PCDHGB2: variants seen among roughly 807,000 people sequenced by gnomAD.
PCDHGB2 encodes the protein protocadherin gamma-B2.
Under a neutral mutation model 59.3 loss-of-function variants are expected in PCDHGB2, and 55 were observed. The observed-to-expected ratio is 0.93, with a 90% confidence interval of 0.75 to 1.16. PCDHGB2 has a LOEUF of 1.16. Ranked by LOEUF, PCDHGB2 falls within the 50% of genes most tolerant of loss-of-function variation. The pLI is 0.00. For missense variants in PCDHGB2, 1,228 were observed against 1,198.5 expected, an observed-to-expected ratio of 1.02 and a Z score of -0.36; for synonymous variants, 516 against 512.0, an observed-to-expected ratio of 1.01 and a Z score of -0.11.
At chr5:141,435,430 T>C (rs576681937) in intron 1 of PCDHGB2, among the ~76,000 whole-genome samples, 115 of 152,334 alleles carry the variant, frequency 7.5e-4, no homozygotes, top group African/African-American at 2.6e-3. Flanking sequence ...ACTTCTGTTA[T>C]GCATTTCATT....
chr5:141,427,975 C>T lies in PCDHGB2; in HGVS notation c.2421+65419C>T, dbSNP rs757718263. ...AATGTGCCGCGGGTGCTGTACCCCGCGCTGGGGCCCGATGGCTCCGCACTC... is the reference window on the plus strand; with the variant it reads ...AATGTGCCGCGGGTGCTGTACCCCGTGCTGGGGCCCGATGGCTCCGCACTC... On this transcript the variant is annotated intron_variant, in intron 1 of 3. Transcript: ENST00000522605. The T allele has an allele frequency of 1.9e-6, 3 of 1,594,600 alleles. No individual in the cohort carries two copies. In the South Asian group the frequency reaches 3.3e-5, roughly 18 times the overall value.
In PCDHGB2 at chr5:141,489,180, CTGGGTCTACCT is replaced by C. The variant is rs906371381; in HGVS notation, c.2422-5623_2422-5613del. 6.3e-5 allele frequency: 79 copies of C among 1,259,748 alleles called. No individual in the cohort carries two copies. The African/African-American group carries it at 9.3e-4, about 15-fold the overall frequency. 78.0% of individuals were successfully genotyped at this position (1,259,748 alleles called of 1,614,324 possible). ...GACTTCAGCTGCTGCATTCCAAGCCCTGGGTCTACCTTGGAGACAGGACAGCACAGACTTAC... is the reference window on the plus strand; with the variant it reads ...GACTTCAGCTGCTGCATTCCAAGCCCTGGAGACAGGACAGCACAGACTTAC... On this transcript the variant is annotated intron_variant, in intron 1 of 3. Coordinates refer to ENST00000522605, the MANE Select transcript of PCDHGB2 (RefSeq NM_018923.3). This position sits in a 1 kb window ranked among gnomAD's most constrained non-coding sequence, Gnocchi z 4.5.
At chr5:141,412,385 AT>A (rs1277702119) in intron 1 of PCDHGB2, 2 of 152,236 alleles carry the variant, frequency 1.3e-5, no homozygotes, top group Admixed American at 1.3e-4. Flanking sequence ...AAATAGGTCC[AT>A]TTAACTTGTA....
rs777873138 is a variant in PCDHGB2, at chr5:141,365,973, T to C, written c.2421+3417T>C. The stretch of plus-strand genomic sequence containing the variant: ...CCTCCACTTAGCAGCAACGTGTCGC[T>C]GAGCCTGTTTGTGCTGGACCAGAAC... On this transcript the variant is annotated intron_variant, in intron 1 of 3. Coordinates refer to ENST00000522605, the MANE Select transcript of PCDHGB2 (RefSeq NM_018923.3). The C allele has an allele frequency of 4.3e-5, 70 of 1,614,126 alleles. No individual in the cohort carries two copies. In the Admixed American group the frequency reaches 1.1e-3, roughly 27 times the overall value.
intron 1 of PCDHGB2, chr5:141,383,225 T>C: frequency 6.2e-7 from 1 of 1,613,970 alleles, no homozygotes; most frequent in Non-Finnish European, 8.5e-7. Flanking sequence ...TTTAACATCC[T>C]GATGGAAGAT....
chr5:141,433,220 T>A (rs781745522), intron 1 of PCDHGB2: 2 of 1,509,720 alleles, frequency 1.3e-6, no homozygotes, highest in Non-Finnish European at 1.8e-6. Flanking sequence ...TTTTTTTTTT[T>A]AATTGCTCTG....
intron 1 of PCDHGB2, chr5:141,409,049 AG>A: frequency 6.2e-7 from 1 of 1,614,028 alleles, no homozygotes; most frequent in African/African-American, 1.3e-5. Context: ...CTACTTCCGA[AG>A]CACTGCCCAG....
intron 1 of PCDHGB2, chr5:141,409,995 CG>C: frequency 1.2e-6 from 2 of 1,613,308 alleles, no homozygotes; most frequent in Non-Finnish European, 1.7e-6. Context: ...GACGCCGACT[CG>C]GGACACAACG....
chr5:141,362,370 G>A lies in PCDHGB2; in HGVS notation c.2235G>A (p.Glu745=). Residue 745 remains glutamate, a synonymous_variant, in exon 1 of 4, where the codon GAG becomes GAA. Coordinates refer to ENST00000522605, the MANE Select transcript of PCDHGB2 (RefSeq NM_018923.3). The part of the protein sequence containing the change: ...PGPGVLPNYS[E]GTLPYSYNLC... ...CTGGGGTTCTCCCCAATTACAGTGAGGGTACATTGCCCTATTCCTACAACC... is the reference window on the plus strand; with the variant it reads ...CTGGGGTTCTCCCCAATTACAGTGAAGGTACATTGCCCTATTCCTACAACC... The A allele has an allele frequency of 6.2e-7, 1 of 1,614,042 alleles. No individual in the cohort carries two copies. The highest frequency in any genetic ancestry group is 1.1e-5 in the South Asian group (1 of 91,088).
chr5:141,407,659 T>C (rs1443799600), intron 1 of PCDHGB2, among the ~76,000 whole-genome samples: 1 of 152,136 alleles, frequency 6.6e-6, no homozygotes, highest in East Asian at 1.9e-4. Flanking sequence ...GGGAGCGCAG[T>C]ATATATTAAA....
At chr5:141,449,212 GT>G (rs1405401595) in intron 1 of PCDHGB2, among the ~76,000 whole-genome samples, 1 of 152,134 alleles carries the variant, frequency 6.6e-6, no homozygotes, top group African/African-American at 2.4e-5. Context: ...CTAACTTTCT[GT>G]TTTGAAATGA....
chr5:141,474,819 G>A (rs1180279468), intron 1 of PCDHGB2, among the ~76,000 whole-genome samples: 1 of 152,190 alleles, frequency 6.6e-6, no homozygotes, highest in Non-Finnish European at 1.5e-5. Flanking sequence ...CATTAATTGA[G>A]GCTTACTCTG....
chr5:141,508,507 TGGTCCAGCCCAACCTCAG>T (rs1377043623), intron 3 of PCDHGB2, among the ~76,000 whole-genome samples: 1 of 152,178 alleles, frequency 6.6e-6, no homozygotes, highest in Non-Finnish European at 1.5e-5. Flanking sequence ...CTCTCCCTCC[TGGTCCAGCCCAACCTCAG>T]GGCACCCCCC....
Position 141,364,666 on chromosome 5 carries a change from C to A in PCDHGB2, c.2421+2110C>A, listed in dbSNP as rs1763468271. Reference sequence around the variant, plus strand: ...TGAACTTTAACATCTTGGTTGAGAACAAAATGAAAATTTATGGAGTAGAAG... The same window carrying A: ...TGAACTTTAACATCTTGGTTGAGAAAAAAATGAAAATTTATGGAGTAGAAG... On this transcript the variant is annotated intron_variant, in intron 1 of 3. Coordinates refer to ENST00000522605, the MANE Select transcript of PCDHGB2 (RefSeq NM_018923.3). The A allele has an allele frequency of 2.5e-6, 4 of 1,614,022 alleles. No homozygotes were observed. The East Asian group carries it at 6.7e-5, about 27-fold the overall frequency.
chr5:141,409,952 C>A (rs892751686), intron 1 of PCDHGB2: 2 of 1,613,350 alleles, frequency 1.2e-6, no homozygotes, highest in Non-Finnish European at 1.7e-6. Context: ...CTCTGCAGAG[C>A]CCGGCTACCT....
At chr5:141,408,052 C>T in intron 1 of PCDHGB2, 1 of 1,283,102 alleles carries the variant, frequency 7.8e-7, no homozygotes, top group Non-Finnish European at 1.0e-6. Context: ...CACACAGAGC[C>T]TCCCGGCTGC....
At chr5:141,439,266 G>A (rs1314903524) in intron 1 of PCDHGB2, among the ~76,000 whole-genome samples, 1 of 151,952 alleles carries the variant, frequency 6.6e-6, no homozygotes, top group Non-Finnish European at 1.5e-5. Context: ...TCAGCCAACA[G>A]TTCATTCTGA....
intron 1 of PCDHGB2, chr5:141,376,103 G>T (rs1035502137): frequency 3.1e-6 from 5 of 1,613,624 alleles, no homozygotes; most frequent in African/African-American, 2.7e-5. Context: ...CATCCTGGCC[G>T]ACCTGGGCAG....
chr5:141,453,676 C>T (rs1387074223), intron 1 of PCDHGB2, among the ~76,000 whole-genome samples: 1 of 152,174 alleles, frequency 6.6e-6, no homozygotes, highest in Admixed American at 6.6e-5. Flanking sequence ...AAAGGTAACA[C>T]ACTATGTAGG....
Sources: gnomAD v4.1 joint callset for allele counts (sites outside exome capture counted in the v4.1 genomes callset) on GRCh38, gnomAD v4.1.1 for gene constraint, Gnocchi (gnomAD v3.1) non-coding constraint, MANE v1.5 for transcripts, NCBI Gene and HGNC (gene_info 2026-07-23, HGNC 2026-07-21) for gene names.